The following PPFIA1 variants were observed in gnomAD, a reference collection of about 807,000 sequenced individuals.
The protein encoded by PPFIA1 is PPFI scaffold protein A1.
PPFIA1 carries 25 observed loss-of-function variants against 149.9 expected under a neutral mutation model. That is an observed-to-expected ratio of 0.17 (90% CI 0.12 to 0.23). PPFIA1 has a LOEUF of 0.23. PPFIA1 is among the 10% of genes least tolerant of loss of function. PPFIA1 has a pLI of 1.00. For missense variants in PPFIA1, 1,362 were observed against 1,506.5 expected (o/e 0.90, Z 1.59); for synonymous variants, 549 against 552.8 (o/e 0.99, Z 0.10).
At chr11:70,362,814 G>A (rs891531651) in intron 21 of PPFIA1, 7 of 182,632 alleles carry the variant, frequency 3.8e-5, no homozygotes, top group African/African-American at 1.7e-4. Context: ...TGGTAGAGAT[G>A]GGGGTCTCGC....
intron 2 of PPFIA1, among the ~76,000 whole-genome samples, chr11:70,303,280 C>G (rs1029399083): frequency 6.6e-6 from 1 of 152,206 alleles, no homozygotes; most frequent in African/African-American, 2.4e-5. Flanking sequence ...CGAGTCCTGT[C>G]TGCAGAACCT....
At chr11:70,309,342 A>AT (rs1320339771) in intron 2 of PPFIA1, among the ~76,000 whole-genome samples, 1 of 151,928 alleles carries the variant, frequency 6.6e-6, no homozygotes, top group Non-Finnish European at 1.5e-5. Context: ...GCTAATTTGT[A>AT]TTTTTAGTAG....
At chr11:70,304,954 A>C (rs990909511) in intron 2 of PPFIA1, among the ~76,000 whole-genome samples, 4 of 152,154 alleles carry the variant, frequency 2.6e-5, no homozygotes, top group African/African-American at 4.8e-5. Context: ...AAGGTGCCTG[A>C]GACACTGGCA....
intron 2 of PPFIA1, among the ~76,000 whole-genome samples, chr11:70,296,814 G>A (rs2052076969): frequency 6.6e-6 from 1 of 151,812 alleles, no homozygotes; most frequent in African/African-American, 2.4e-5. Context: ...TTGTTTCTTT[G>A]CTTATGGAGA....
rs1450866541 is a variant in PPFIA1, at chr11:70,272,332, C to T, written c.160C>T (p.Leu54=). The part of the protein sequence containing the change: ...LEERDRLLDT[L]RETQETLALT... ...AGAAAGGGACCGCCTTCTTGATACACTGAGAGAGACTCAAGAAACGCTGGC... is the reference window on the plus strand; with the variant it reads ...AGAAAGGGACCGCCTTCTTGATACATTGAGAGAGACTCAAGAAACGCTGGC... Residue 54 remains leucine (L), a synonymous_variant, in exon 2 of 28, where the codon CTG becomes TTG. Transcript: ENST00000253925. 5.0e-6 allele frequency: 8 copies of T among 1,614,196 alleles called. No homozygotes were observed. The South Asian group carries it at 8.8e-5, about 18-fold the overall frequency.
chr11:70,295,549 G>A (rs1407708879), intron 2 of PPFIA1, among the ~76,000 whole-genome samples: 131 of 139,924 alleles, frequency 9.4e-4, no homozygotes, highest in Middle Eastern at 3.9e-3. Context: ...GCGGCTGGCC[G>A]GGCGGGGGGC....
intron 21 of PPFIA1, chr11:70,371,987 A>G (rs1296711021): frequency 5.7e-6 from 2 of 351,578 alleles, no homozygotes; most frequent in Non-Finnish European, 1.0e-5. Context: ...TAAAAGTTAA[A>G]TTTATCACAA....
At chr11:70,355,941 A>T (rs1194728388) in intron 18 of PPFIA1, 130 bp downstream of exon 18, 6 of 1,249,336 alleles carry the variant, frequency 4.8e-6, no homozygotes, top group African/African-American at 1.5e-5. Context: ...CTGTGAAGGC[A>T]TGGGAGCTAG....
chr11:70,345,948 T>C (rs1251142478), intron 15 of PPFIA1: 1 of 454,596 alleles, frequency 2.2e-6, no homozygotes, highest in African/African-American at 2.0e-5. Flanking sequence ...AGTGCACGGC[T>C]CCACTCCAGT....
intron 15 of PPFIA1, among the ~76,000 whole-genome samples, chr11:70,345,685 G>A (rs11235968): frequency 0.043 from 6,551 of 152,162 alleles, 517 homozygotes; most frequent in African/African-American, 0.15. Flanking sequence ...AAATGAGCCA[G>A]GTATGGTAGT....
chr11:70,362,002 C>T (rs2056678625), intron 19 of PPFIA1, 93 bp from the exon 20 acceptor site: 1 of 1,152,224 alleles, frequency 8.7e-7, no homozygotes, highest in Non-Finnish European at 1.3e-6. Context: ...CTCAAGTGGT[C>T]CTCCTGCCTT....
At chr11:70,314,977 G>T (rs2053511349) in intron 2 of PPFIA1, among the ~76,000 whole-genome samples, 1 of 152,172 alleles carries the variant, frequency 6.6e-6, no homozygotes, top group East Asian at 1.9e-4. Context: ...GTGCATGCAA[G>T]CAGGGGAAAT....
At chr11:70,375,895 C>A (rs1021772020) in intron 24 of PPFIA1, among the ~76,000 whole-genome samples, 1 of 152,114 alleles carries the variant, frequency 6.6e-6, no homozygotes, top group African/African-American at 2.4e-5. Flanking sequence ...GATCATGGAT[C>A]CCTTTCTGCA....
intron 2 of PPFIA1, among the ~76,000 whole-genome samples, chr11:70,313,202 C>T (rs2053400249): frequency 6.6e-6 from 1 of 152,204 alleles, no homozygotes; most frequent in Non-Finnish European, 1.5e-5. Context: ...GACCTCTCTT[C>T]TGTGTGCTCA....
intron 2 of PPFIA1, among the ~76,000 whole-genome samples, chr11:70,315,468 G>C (rs930023739): frequency 6.6e-6 from 1 of 151,940 alleles, no homozygotes; most frequent in Non-Finnish European, 1.5e-5. Context: ...AACATGATTT[G>C]CTCATTCATT....
intron 21 of PPFIA1, among the ~76,000 whole-genome samples, chr11:70,363,712 C>T (rs906259858): frequency 6.6e-6 from 1 of 152,088 alleles, no homozygotes; most frequent in Non-Finnish European, 1.5e-5. Flanking sequence ...CAGGGTCTTG[C>T]TGTGTTGACC....
chr11:70,278,157 C>T (rs1054938836), intron 2 of PPFIA1, among the ~76,000 whole-genome samples: 1 of 151,972 alleles, frequency 6.6e-6, no homozygotes, highest in African/African-American at 2.4e-5. Context: ...GATCTGCCCT[C>T]GTCAGCCTCC....
rs2055497089 is a variant in PPFIA1, at chr11:70,343,719, C to T, written c.1758C>T (p.Val586=). Residue 586 remains valine, a synonymous_variant, in exon 15 of 28, where the codon GTC becomes GTT. Coordinates refer to ENST00000253925, the MANE Select transcript of PPFIA1 (RefSeq NM_003626.5). The part of the protein sequence containing the change: ...QDWERAQQAS[V]LANVAQAFES... ...GGGAACGTGCCCAGCAAGCTAGTGT[C>T]TTGGCAAATGTAGCACAAGCATTCG... 1.9e-6 allele frequency: 3 copies of T among 1,614,258 alleles called. No homozygotes were observed. Among genetic ancestry groups the T allele is most frequent in the Non-Finnish European group, 2.5e-6 (3 of 1,180,044 alleles).
At chr11:70,359,107 A>C (rs1456531064) in intron 19 of PPFIA1, among the ~76,000 whole-genome samples, 1 of 152,144 alleles carries the variant, frequency 6.6e-6, no homozygotes, top group African/African-American at 2.4e-5. Context: ...TTGCCCTTGC[A>C]AAATAAAAGA....
Sources: allele counts gnomAD v4.1 joint callset (sites outside exome capture counted in the v4.1 genomes callset), GRCh38; gene constraint gnomAD v4.1.1; transcripts MANE v1.5; gene names NCBI Gene and HGNC (gene_info 2026-07-23, HGNC 2026-07-21).